The following CSRNP3 variants were observed in gnomAD, a reference collection of about 807,000 sequenced individuals.
The protein encoded by CSRNP3 is cysteine and serine rich nuclear protein 3.
CSRNP3 carries 12 observed loss-of-function variants against 48.0 expected under a neutral mutation model. The ratio of observed to expected loss-of-function variants is 0.25; its 90% CI spans 0.16 to 0.41. The LOEUF is 0.41. Among genes scored for constraint, CSRNP3 ranks in the 10% least tolerant of loss-of-function variants. CSRNP3 has a pLI of 1.00. For synonymous variants in CSRNP3, 263 were observed against 269.7 expected (o/e 0.98, Z 0.24); for missense variants, 580 against 724.4 (o/e 0.80, Z 2.29).
chr2:165,491,701 C>G (rs1684210200), intron 1 of CSRNP3, among the ~76,000 whole-genome samples: 1 of 114,854 alleles, frequency 8.7e-6, no homozygotes, highest in Non-Finnish European at 1.8e-5. Context: ...ATTGCAAGAA[C>G]AAAAAACCAA....
chr2:165,549,948 T>C (rs1054635024), intron 3 of CSRNP3, among the ~76,000 whole-genome samples: 7 of 152,144 alleles, frequency 4.6e-5, no homozygotes, highest in Admixed American at 6.6e-5. Flanking sequence ...CTGTTGCACC[T>C]CACTGAGGAA....
intron 3 of CSRNP3, among the ~76,000 whole-genome samples, chr2:165,572,976 G>A (rs974130268): frequency 5.9e-5 from 9 of 151,974 alleles, no homozygotes; most frequent in Non-Finnish European, 1.0e-4. Flanking sequence ...TAGTTTACAT[G>A]TCTTATAAAT....
intron 3 of CSRNP3, among the ~76,000 whole-genome samples, chr2:165,573,873 G>A (rs1386571975): frequency 6.6e-6 from 1 of 152,016 alleles, no homozygotes; most frequent in Non-Finnish European, 1.5e-5. Context: ...TCAAAAACAA[G>A]GGAAGTTAAT....
chr2:165,498,139 C>G (rs1284061092), intron 2 of CSRNP3, among the ~76,000 whole-genome samples: 4 of 151,970 alleles, frequency 2.6e-5, no homozygotes, highest in African/African-American at 9.7e-5. Flanking sequence ...ATGTCACTGA[C>G]ATTGATGGAA....
At chr2:165,505,143 C>A (rs1558919043) in intron 2 of CSRNP3, among the ~76,000 whole-genome samples, 2 of 152,062 alleles carry the variant, frequency 1.3e-5, no homozygotes, top group Non-Finnish European at 2.9e-5. Flanking sequence ...CAAAATGTTT[C>A]TTGACAAGTA....
chr2:165,551,182 C>A lies in CSRNP3; in HGVS notation c.-24+33221C>A, dbSNP rs562341321. 3.2e-4 allele frequency among the ~76,000 whole-genome samples: 48 copies of A among 152,290 alleles called. 1 individual carries two copies. The highest frequency in any genetic ancestry group is 6.8e-3 in the Middle Eastern group (2 of 294). On this transcript the variant is annotated intron_variant, in intron 3 of 6. Coordinates refer to ENST00000651982, the MANE Select transcript of CSRNP3 (RefSeq NM_001172173.2). Reference sequence around the variant, plus strand: ...CCTGTTTCACCCCTGCTAACTCAAACTAATACCCCCAGTCATTTCATCTCA... The same window carrying A: ...CCTGTTTCACCCCTGCTAACTCAAAATAATACCCCCAGTCATTTCATCTCA...
Position 165,556,330 on chromosome 2 carries a change from T to C in CSRNP3, c.-24+38369T>C, listed in dbSNP as rs910100615. 4.6e-5 allele frequency among the ~76,000 whole-genome samples: 7 copies of C among 152,288 alleles called. No individual in the cohort carries two copies. In the South Asian group the frequency reaches 1.5e-3, roughly 32 times the overall value. On this transcript the variant is annotated intron_variant, in intron 3 of 6. Transcript: ENST00000651982. Reference sequence around the variant, plus strand: ...GGTTCACTGTTTGACACACTGACTTTGCAATTTCTGAGGCAAATCCAAGTG... The same window carrying C: ...GGTTCACTGTTTGACACACTGACTTCGCAATTTCTGAGGCAAATCCAAGTG...
intron 3 of CSRNP3, among the ~76,000 whole-genome samples, chr2:165,559,496 C>A (rs1034671056): frequency 3.9e-5 from 6 of 151,980 alleles, no homozygotes; most frequent in African/African-American, 1.4e-4. Flanking sequence ...TGCTAGGAAA[C>A]TGATATTTTT....
In CSRNP3 at chr2:165,472,879, A is replaced by T. The variant is rs926908245; in HGVS notation, c.-283+3139A>T. Among the ~76,000 whole-genome samples the T allele has an allele frequency of 3.9e-5, 6 of 152,294 alleles. No homozygotes were observed. The East Asian group carries it at 1.2e-3, about 29-fold the overall frequency. On this transcript the variant is annotated intron_variant, in intron 1 of 6. Coordinates refer to ENST00000651982, the MANE Select transcript of CSRNP3 (RefSeq NM_001172173.2). The stretch of plus-strand genomic sequence containing the variant: ...TAGCCAACATATTATTTAAAGTTAA[A>T]TTAATTTGGCATGTCAGTACGTTAT...
At chr2:165,660,695 A>G (rs1489647635) in intron 5 of CSRNP3, among the ~76,000 whole-genome samples, 1 of 152,248 alleles carries the variant, frequency 6.6e-6, no homozygotes, top group African/African-American at 2.4e-5. Context: ...TGAGAAAAGA[A>G]GGAGCCAAAA....
chr2:165,498,273 A>G (rs1013124647), intron 2 of CSRNP3, among the ~76,000 whole-genome samples: 2 of 152,158 alleles, frequency 1.3e-5, no homozygotes, highest in East Asian at 1.9e-4. Context: ...TGAAGTATGC[A>G]GTGTGAATCT....
rs1687491132 is a variant in CSRNP3 at position 165,679,437 on chromosome 2, C to T, written c.1442C>T (p.Ala481Val). Residue 481 changes from alanine (A) to valine (V), a missense_variant, in exon 7 of 7, where the codon GCC (alanine) becomes GTC (valine). Physicochemically the swap from Ala to Val is moderately conservative, Grantham distance 64. Coordinates refer to ENST00000651982, the MANE Select transcript of CSRNP3 (RefSeq NM_001172173.2). ...TMTPEQFVDYARQAEEAYGAS... is the reference protein window; with the variant it reads ...TMTPEQFVDYVRQAEEAYGAS... Reference sequence around the variant, plus strand: ...ACCCCGGAGCAATTCGTTGACTATGCCCGACAAGCAGAAGAGGCCTATGGT... The same window carrying T: ...ACCCCGGAGCAATTCGTTGACTATGTCCGACAAGCAGAAGAGGCCTATGGT... The T allele has an allele frequency of 1.2e-6, 2 of 1,612,804 alleles. No homozygotes were observed. Among genetic ancestry groups the T allele is most frequent in the Non-Finnish European group, 1.7e-6 (2 of 1,179,530 alleles).
At chr2:165,591,572 A>G (rs1425974402) in intron 3 of CSRNP3, among the ~76,000 whole-genome samples, 1 of 152,074 alleles carries the variant, frequency 6.6e-6, no homozygotes, top group Non-Finnish European at 1.5e-5. Flanking sequence ...CGGTGGGCCC[A>G]GGGACCCCCT....
intron 4 of CSRNP3, among the ~76,000 whole-genome samples, chr2:165,607,935 A>G (rs958358452): frequency 6.6e-6 from 1 of 151,560 alleles, no homozygotes; most frequent in African/African-American, 2.4e-5. Flanking sequence ...AATTTGCATC[A>G]GATTCTAGTA....
intron 4 of CSRNP3, among the ~76,000 whole-genome samples, chr2:165,604,941 C>T (rs568138105): frequency 5.3e-5 from 8 of 152,088 alleles, no homozygotes; most frequent in Non-Finnish European, 1.2e-4. Flanking sequence ...TTTCTGTCTT[C>T]TTATATATTT....
intron 4 of CSRNP3, among the ~76,000 whole-genome samples, chr2:165,651,191 T>G (rs549895729): frequency 5.3e-4 from 81 of 152,346 alleles, no homozygotes; most frequent in African/African-American, 1.9e-3. Context: ...CAAACTCAAG[T>G]GGAATGATAC....
chr2:165,504,343 G>A (rs1684396778), intron 2 of CSRNP3, among the ~76,000 whole-genome samples: 1 of 151,942 alleles, frequency 6.6e-6, no homozygotes, highest in East Asian at 1.9e-4. Context: ...AGTAGGAATG[G>A]TAGTCCTAGC....
chr2:165,652,933 A>G (rs965072326), intron 4 of CSRNP3, among the ~76,000 whole-genome samples: 4 of 152,180 alleles, frequency 2.6e-5, no homozygotes, highest in Admixed American at 2.6e-4. Context: ...AGTAAAGCCA[A>G]TACTGAACTC....
intron 3 of CSRNP3, among the ~76,000 whole-genome samples, chr2:165,518,760 A>C (rs1383098552): frequency 6.6e-6 from 1 of 152,016 alleles, no homozygotes; most frequent in Non-Finnish European, 1.5e-5. Flanking sequence ...TTGGTCAGGC[A>C]TGTCTTCAGT....
Sources: gnomAD v4.1 joint callset for allele counts (sites outside exome capture counted in the v4.1 genomes callset) on GRCh38, gnomAD v4.1.1 for gene constraint, MANE v1.5 for transcripts, NCBI Gene and HGNC (gene_info 2026-07-23, HGNC 2026-07-21) for gene names.